KLHL1: variants seen among roughly 807,000 people sequenced by gnomAD.
The protein encoded by KLHL1 is kelch like family member 1.
KLHL1 carries 47 observed loss-of-function variants against 77.7 expected under a neutral mutation model. That is an observed-to-expected ratio of 0.60 (90% confidence interval 0.48 to 0.77). The LOEUF is 0.77. Among genes scored for constraint, KLHL1 ranks in the 30% least tolerant of loss-of-function variants. KLHL1 has a pLI of 0.00. For synonymous variants in KLHL1, 360 were observed against 325.2 expected (o/e 1.11, Z -1.15); for missense variants, 925 against 910.8 (o/e 1.02, Z -0.20).
At chr13:69,808,409 T>A (rs781060141) in intron 6 of KLHL1, among the ~76,000 whole-genome samples, 27 of 151,866 alleles carry the variant, frequency 1.8e-4, no homozygotes, top group Non-Finnish European at 2.9e-4. Context: ...ACCAACAACA[T>A]CTTAGAAAGC....
At chr13:69,907,486 G>A (rs138391052) in intron 4 of KLHL1, among the ~76,000 whole-genome samples, 1,638 of 151,928 alleles carry the variant, frequency 0.011, 23 homozygotes, top group Non-Finnish European at 0.017. Flanking sequence ...TAACATTTGT[G>A]TTTATATGTA....
chr13:70,045,489 T>C (rs1243577487), intron 1 of KLHL1, among the ~76,000 whole-genome samples: 1 of 152,010 alleles, frequency 6.6e-6, no homozygotes, highest in Non-Finnish European at 1.5e-5. Context: ...CATAGATGAG[T>C]GTGTCATTCT....
At chr13:70,000,522 A>G (rs1885262151) in intron 1 of KLHL1, among the ~76,000 whole-genome samples, 1 of 152,074 alleles carries the variant, frequency 6.6e-6, no homozygotes, top group Middle Eastern at 3.4e-3. Flanking sequence ...TCAAAGTTTG[A>G]TTGATCTTTT....
intron 7 of KLHL1, among the ~76,000 whole-genome samples, chr13:69,753,116 T>C (rs1297456300): frequency 2.0e-5 from 3 of 152,182 alleles, no homozygotes; most frequent in African/African-American, 7.2e-5. Flanking sequence ...TCATGGGAGT[T>C]AGTTCTAAAG....
intron 1 of KLHL1, among the ~76,000 whole-genome samples, chr13:69,995,026 T>C (rs970546595): frequency 1.3e-5 from 2 of 152,088 alleles, no homozygotes; most frequent in African/African-American, 4.8e-5. Flanking sequence ...GACACGAGTG[T>C]CACTATAGAT....
At chr13:69,926,148 G>C (rs543495342) in intron 4 of KLHL1, among the ~76,000 whole-genome samples, 3 of 151,992 alleles carry the variant, frequency 2.0e-5, no homozygotes, top group Non-Finnish European at 4.4e-5. Flanking sequence ...ACAGCTGTTC[G>C]GTTTGATTTA....
intron 7 of KLHL1, among the ~76,000 whole-genome samples, chr13:69,759,139 A>T (rs564583427): frequency 4.0e-4 from 61 of 152,208 alleles, no homozygotes; most frequent in African/African-American, 1.4e-3. Flanking sequence ...CTATATTAAG[A>T]TTCACTCTGC....
intron 1 of KLHL1, among the ~76,000 whole-genome samples, chr13:69,993,269 C>A (rs935509150): frequency 6.6e-6 from 1 of 152,054 alleles, no homozygotes; most frequent in African/African-American, 2.4e-5. Flanking sequence ...AGAACCACCA[C>A]GCTTGTAAAC....
chr13:70,056,285 A>G (rs1461868738), intron 1 of KLHL1, among the ~76,000 whole-genome samples: 1 of 152,122 alleles, frequency 6.6e-6, no homozygotes, highest in East Asian at 1.9e-4. Context: ...CAGGAAGAGG[A>G]GATAACAATT....
intron 1 of KLHL1, among the ~76,000 whole-genome samples, chr13:70,099,652 T>C (rs979022249): frequency 6.6e-6 from 1 of 152,052 alleles, no homozygotes; most frequent in Non-Finnish European, 1.5e-5. Context: ...ATGTGATTTA[T>C]AATAAACATT....
chr13:69,873,625 A>C (rs1443759525), intron 5 of KLHL1, among the ~76,000 whole-genome samples: 2 of 152,164 alleles, frequency 1.3e-5, no homozygotes, highest in African/African-American at 4.8e-5. Context: ...ATTCCAGACA[A>C]ATAACATATC....
chr13:70,092,280 A>G (rs115471863), intron 1 of KLHL1, among the ~76,000 whole-genome samples: 1,907 of 152,272 alleles, frequency 0.013, 31 homozygotes, highest in African/African-American at 0.043. Flanking sequence ...AAACTATTGT[A>G]CCACCCAAAA....
At chr13:69,824,570 T>C (rs975639027) in intron 6 of KLHL1, among the ~76,000 whole-genome samples, 9 of 152,016 alleles carry the variant, frequency 5.9e-5, no homozygotes, top group Non-Finnish European at 1.2e-4. Context: ...TATTAATTAA[T>C]TAAAAAGAAG....
chr13:69,904,262 A>C (rs1881976650), intron 4 of KLHL1, among the ~76,000 whole-genome samples: 1 of 152,196 alleles, frequency 6.6e-6, no homozygotes, highest in Non-Finnish European at 1.5e-5. Flanking sequence ...AAATTTTATG[A>C]GTCTCAACCA....
chr13:69,854,970 A>G (rs545590627), intron 5 of KLHL1, among the ~76,000 whole-genome samples: 1 of 152,218 alleles, frequency 6.6e-6, no homozygotes, highest in East Asian at 1.9e-4. Context: ...ATTGTTGGCT[A>G]TGAATATTTA....
intron 2 of KLHL1, among the ~76,000 whole-genome samples, chr13:69,963,213 C>CA (rs1884119733): frequency 6.6e-6 from 1 of 152,074 alleles, no homozygotes; most frequent in East Asian, 1.9e-4. Flanking sequence ...CATGCACAAC[C>CA]ACCTCACCTA....
intron 7 of KLHL1, among the ~76,000 whole-genome samples, chr13:69,752,809 A>T (rs1275149920): frequency 6.6e-6 from 1 of 152,184 alleles, no homozygotes; most frequent in Non-Finnish European, 1.5e-5. Flanking sequence ...ATATGGCCAT[A>T]AGCGAATAGG....
intron 7 of KLHL1, among the ~76,000 whole-genome samples, chr13:69,778,222 G>A (rs1017162195): frequency 6.6e-6 from 1 of 152,002 alleles, no homozygotes; most frequent in African/African-American, 2.4e-5. Flanking sequence ...GGAAAACCTA[G>A]GTTAGTTATA....
At chr13:69,823,993 T>C (rs1183247068) in intron 6 of KLHL1, among the ~76,000 whole-genome samples, 1 of 151,868 alleles carries the variant, frequency 6.6e-6, no homozygotes, top group Non-Finnish European at 1.5e-5. Flanking sequence ...TGTATATATA[T>C]GTATATGTGC....
Sources: gnomAD v4.1 joint callset for allele counts (sites outside exome capture counted in the v4.1 genomes callset) on GRCh38, gnomAD v4.1.1 for gene constraint, MANE v1.5 for transcripts, NCBI Gene and HGNC (gene_info 2026-07-23, HGNC 2026-07-21) for gene names.